The following C12orf42 variants were observed in gnomAD, a reference collection of about 807,000 sequenced individuals.
The protein encoded by C12orf42 is chromosome 12 open reading frame 42.
Under a neutral mutation model 21.6 loss-of-function variants are expected in C12orf42, and 25 were observed. The observed-to-expected ratio is 1.16, with a 90% CI of 0.84 to 1.62. The LOEUF is 1.62. Ranked by LOEUF, C12orf42 falls within the 40% of genes most tolerant of loss-of-function variation. The pLI is 0.00. For synonymous variants in C12orf42, 174 were observed against 175.0 expected (o/e 0.99, Z 0.05); for missense variants, 483 against 459.3 (o/e 1.05, Z -0.47).
chr12:103,469,423 T>C (rs1045030086), intron 2 of C12orf42, among the ~76,000 whole-genome samples: 3 of 152,262 alleles, frequency 2.0e-5, no homozygotes, highest in African/African-American at 7.2e-5. Context: ...GACATCTTGA[T>C]GCAGTTCCTG....
chr12:103,433,130 C>T (rs146804553), intron 2 of C12orf42, among the ~76,000 whole-genome samples: 31 of 152,336 alleles, frequency 2.0e-4, no homozygotes, highest in African/African-American at 7.0e-4. Flanking sequence ...GATATAGATA[C>T]ATTTGCGGTT....
intron 2 of C12orf42, among the ~76,000 whole-genome samples, chr12:103,440,815 A>T (rs959418452): frequency 6.6e-6 from 1 of 152,192 alleles, no homozygotes; most frequent in Non-Finnish European, 1.5e-5. Context: ...ACAGTGAAAA[A>T]AAAAGTGTTT....
chr12:103,400,016 A>G (rs2047866015), intron 3 of C12orf42, among the ~76,000 whole-genome samples: 1 of 152,208 alleles, frequency 6.6e-6, no homozygotes, highest in Non-Finnish European at 1.5e-5. Context: ...TACTATATAT[A>G]AAACAAATAA....
Position 103,305,969 on chromosome 12 carries a change from C to T in C12orf42, c.631+5G>A. 6.3e-7 allele frequency: 1 copy of T among 1,597,184 alleles called. No individual in the cohort carries two copies. Among genetic ancestry groups the T allele is most frequent in the Non-Finnish European group, 8.6e-7 (1 of 1,167,384 alleles). On this transcript the variant is annotated splice_donor_5th_base_variant and intron_variant, in intron 5 of 5. Transcript: ENST00000548883. The stretch of plus-strand genomic sequence containing the variant: ...AAGAGTCAGTAACCACAACATGATA[C>T]TTACCAGAATTTTTCTTGGGACTGC...
At chr12:103,168,226 T>C in the C12orf42 span, 1 of 378,118 alleles carries the variant, frequency 2.6e-6, no homozygotes, top group Non-Finnish European at 5.2e-6. Context: ...TGAATTTATA[T>C]TCAATGTACT....
chr12:103,545,974 C>G, the C12orf42 span, among the ~76,000 whole-genome samples: 2 of 152,188 alleles, frequency 1.3e-5, no homozygotes, highest in African/African-American at 4.8e-5. Context: ...ATAGAGACAA[C>G]TAATATTAGT....
chr12:103,127,042 A>G, the C12orf42 span, among the ~76,000 whole-genome samples: 1 of 152,236 alleles, frequency 6.6e-6, no homozygotes, highest in African/African-American at 2.4e-5. Context: ...AGATTATCAG[A>G]GATTTAAAAT....
chr12:103,131,411 A>C, the C12orf42 span, among the ~76,000 whole-genome samples: 1 of 152,152 alleles, frequency 6.6e-6, no homozygotes, highest in African/African-American at 2.4e-5. Context: ...TTGCTTTTTC[A>C]GCCCCAAACT....
At chr12:103,346,400 TTTTAA>T (rs1433644104) in intron 4 of C12orf42, among the ~76,000 whole-genome samples, 1 of 152,182 alleles carries the variant, frequency 6.6e-6, no homozygotes, top group Non-Finnish European at 1.5e-5. Context: ...TCTAAATTAT[TTTTAA>T]TTTATTTTTA....
intron 3 of C12orf42, among the ~76,000 whole-genome samples, chr12:103,371,756 T>C (rs1446130261): frequency 6.6e-6 from 1 of 152,094 alleles, no homozygotes; most frequent in Non-Finnish European, 1.5e-5. Context: ...TAAAATCATG[T>C]AGGCCCACAT....
At chr12:103,121,779 G>T in the C12orf42 span, among the ~76,000 whole-genome samples, 1 of 152,298 alleles carries the variant, frequency 6.6e-6, no homozygotes, top group East Asian at 1.9e-4. Flanking sequence ...ATTAGGCCCT[G>T]CTAGTTTTTG....
At chr12:103,371,737 C>T (rs370104770) in intron 3 of C12orf42, among the ~76,000 whole-genome samples, 1 of 152,166 alleles carries the variant, frequency 6.6e-6, no homozygotes, top group African/African-American at 2.4e-5. Context: ...CAATTCAGAG[C>T]AGGGGTTATA....
intron 4 of C12orf42, among the ~76,000 whole-genome samples, chr12:103,291,379 T>C (rs2036811231): frequency 6.6e-6 from 1 of 152,198 alleles, no homozygotes; most frequent in Non-Finnish European, 1.5e-5. Context: ...AAATTGGGCC[T>C]CAGCCCACAG....
the C12orf42 span, among the ~76,000 whole-genome samples, chr12:103,231,214 T>C: frequency 3.3e-5 from 5 of 152,206 alleles, no homozygotes; most frequent in African/African-American, 1.2e-4. Context: ...TTCCCATATA[T>C]CCCTGCCTTC....
the C12orf42 span, among the ~76,000 whole-genome samples, chr12:103,232,198 A>G: frequency 6.6e-6 from 1 of 152,108 alleles, no homozygotes; most frequent in Non-Finnish European, 1.5e-5. Flanking sequence ...TGTATTTTGG[A>G]TAACAGTCCT....
the C12orf42 span, among the ~76,000 whole-genome samples, chr12:103,511,225 T>C: frequency 6.6e-6 from 1 of 152,146 alleles, no homozygotes; most frequent in South Asian, 2.1e-4. Context: ...TAATAATACA[T>C]CAATAAAGTG....
chr12:103,137,258 C>T, the C12orf42 span, among the ~76,000 whole-genome samples: 2 of 151,626 alleles, frequency 1.3e-5, no homozygotes, highest in African/African-American at 4.8e-5. Context: ...ATGGCCAACA[C>T]ATATATGAAA....
intron 1 of C12orf42, among the ~76,000 whole-genome samples, chr12:103,480,674 C>T (rs1954400811): frequency 6.6e-6 from 1 of 151,152 alleles, no homozygotes; most frequent in Admixed American, 6.6e-5. Context: ...ATTCGTTAAC[C>T]CATATGTTGT....
Position 103,356,504 on chromosome 12 carries a change from T to C in C12orf42, c.259+12383A>G, listed in dbSNP as rs2043570902. On this transcript the variant is annotated intron_variant, in intron 4 of 5. Coordinates refer to ENST00000548883, the MANE Select transcript of C12orf42 (RefSeq NM_198521.5). ...AAACATACGTGTCCATGTGTCTTTA[T>C]AGCAGCATGATTTATAGTCCTTTGG... Among the ~76,000 whole-genome samples, 3 of 152,138 alleles carry C rather than the reference T, an allele frequency of 2.0e-5. No homozygotes were observed. The South Asian group carries it at 6.2e-4, about 32-fold the overall frequency.
Sources: gnomAD v4.1 joint callset for allele counts (sites outside exome capture counted in the v4.1 genomes callset) on GRCh38, gnomAD v4.1.1 for gene constraint, MANE v1.5 for transcripts, NCBI Gene and HGNC (gene_info 2026-07-23, HGNC 2026-07-21) for gene names.